The following DLGAP2 variants were observed in gnomAD, a reference collection of about 807,000 sequenced individuals.
DLGAP2 encodes DLG associated protein 2, also known as disks large-associated protein 2.
Under a neutral mutation model 100.3 loss-of-function variants are expected in DLGAP2, and 26 were observed. That is an observed-to-expected ratio of 0.26 (90% CI 0.19 to 0.36). The LOEUF is 0.36. DLGAP2 is among the 10% of genes least tolerant of loss of function. DLGAP2 has a pLI of 1.00. For synonymous variants in DLGAP2, 886 were observed against 630.1 expected (o/e 1.41, Z -6.08); for missense variants, 1,858 against 1,453.2 (o/e 1.28, Z -4.53).
At chr8:1,443,567 A>T (rs1797898818) in intron 3 of DLGAP2, among the ~76,000 whole-genome samples, 1 of 152,190 alleles carries the variant, frequency 6.6e-6, no homozygotes. Context: ...TTTATAGAGG[A>T]AAGAGGTTTA....
chr8:1,093,822 C>T (rs1563187848), intron 2 of DLGAP2, among the ~76,000 whole-genome samples: 1 of 152,272 alleles, frequency 6.6e-6, no homozygotes, highest in Non-Finnish European at 1.5e-5. Context: ...CCTGCTGCTT[C>T]TGGCTCTAGG....
intron 3 of DLGAP2, among the ~76,000 whole-genome samples, chr8:1,356,669 A>G (rs1801859877): frequency 6.6e-6 from 1 of 152,222 alleles, no homozygotes; most frequent in South Asian, 2.1e-4. Context: ...CGGTTGGTGA[A>G]TGAGGTGAGT....
chr8:1,076,432 A>T (rs1181594927), intron 2 of DLGAP2, among the ~76,000 whole-genome samples: 1 of 152,136 alleles, frequency 6.6e-6, no homozygotes, highest in African/African-American at 2.4e-5. Context: ...GGAAAGTCGG[A>T]TGGGTTAGAG....
intron 6 of DLGAP2, among the ~76,000 whole-genome samples, chr8:1,591,347 G>C (rs1163716659): frequency 6.6e-6 from 1 of 152,312 alleles, no homozygotes; most frequent in Non-Finnish European, 1.5e-5. Context: ...AAGGAGGATG[G>C]AGGAGAAAGA....
chr8:766,972 C>T (rs773217537), intron 1 of DLGAP2, among the ~76,000 whole-genome samples: 8 of 152,184 alleles, frequency 5.3e-5, no homozygotes, highest in Non-Finnish European at 1.0e-4. Flanking sequence ...ACAGCTTCCT[C>T]CTCCTGCGGT....
intron 3 of DLGAP2, chr8:1,262,349 G>C (rs190560109): frequency 6.6e-5 from 10 of 152,300 alleles, no homozygotes; most frequent in African/African-American, 1.7e-4. Context: ...GTGAGACTAT[G>C]TTTTCATGAG....
At chr8:1,202,215 T>C (rs1355582335) in intron 2 of DLGAP2, among the ~76,000 whole-genome samples, 2 of 151,920 alleles carry the variant, frequency 1.3e-5, no homozygotes, top group Admixed American at 1.3e-4. Context: ...TGTATGTGTA[T>C]GCATGTATTC....
At chr8:1,148,568 A>AT (rs35000915) in intron 2 of DLGAP2, among the ~76,000 whole-genome samples, 132,870 of 151,976 alleles carry the variant, frequency 0.87, 58,191 homozygotes, top group Non-Finnish European at 0.89. Flanking sequence ...TAATACTTCA[A>AT]TTTTTTATGT....
intron 6 of DLGAP2, among the ~76,000 whole-genome samples, chr8:1,597,441 C>G (rs924712739): frequency 3.3e-5 from 5 of 151,444 alleles, no homozygotes; most frequent in East Asian, 3.9e-4. Context: ...AGCATGGAAT[C>G]TGTAAATTAC....
In DLGAP2 at chr8:1,697,229, G is replaced by A. The variant is rs1334659163; in HGVS notation, c.2879G>A (p.Ser960Asn). The part of the protein sequence containing the change: ...DMLQLSIEDV[S>N]MKFDELQRLR... The stretch of plus-strand genomic sequence containing the variant: ...CTGCAGCTCTCCATTGAGGACGTCA[G>A]CATGAAGTTCGACGAGCTGCAGCGG... The change falls in exon 14 of 15, where the codon AGC (serine) becomes AAC (asparagine). Residue 960 changes from serine to asparagine, a missense_variant. Physicochemically the swap from Ser to Asn is conservative, Grantham distance 46. Coordinates refer to ENST00000637795, the MANE Select transcript of DLGAP2 (RefSeq NM_001346810.2). The A allele has an allele frequency of 5.0e-6, 8 of 1,611,842 alleles. No individual in the cohort carries two copies. Among genetic ancestry groups the A allele is most frequent in the Non-Finnish European group, 6.8e-6 (8 of 1,178,860 alleles).
chr8:1,335,584 C>T (rs1317862077), intron 3 of DLGAP2, among the ~76,000 whole-genome samples: 3 of 152,014 alleles, frequency 2.0e-5, no homozygotes, highest in African/African-American at 4.8e-5. Context: ...GGGCAGGGTG[C>T]GGTGCTGGGT....
chr8:1,105,250 T>C (rs112448177), intron 2 of DLGAP2, among the ~76,000 whole-genome samples: 8 of 152,332 alleles, frequency 5.3e-5, no homozygotes, highest in African/African-American at 1.9e-4. Flanking sequence ...ATTACAACCG[T>C]GGTGCCTGAA....
At chr8:1,390,228 A>G (rs2129807234) in intron 3 of DLGAP2, among the ~76,000 whole-genome samples, 1 of 152,336 alleles carries the variant, frequency 6.6e-6, no homozygotes, top group African/African-American at 2.4e-5. Context: ...CATGTTGGTG[A>G]AAACCAGATG....
chr8:1,470,773 C>T (rs1284390502), intron 3 of DLGAP2, among the ~76,000 whole-genome samples: 3 of 91,190 alleles, frequency 3.3e-5, no homozygotes, highest in South Asian at 3.6e-4. Flanking sequence ...CAGCCTTTCC[C>T]GACTCCCCCA....
At chr8:1,211,312 C>G (rs1477682275) in intron 2 of DLGAP2, among the ~76,000 whole-genome samples, 2 of 152,186 alleles carry the variant, frequency 1.3e-5, no homozygotes, top group Non-Finnish European at 2.9e-5. Flanking sequence ...ATCAGTGGAG[C>G]CTGTGAGGGC....
At chr8:1,626,960 A>C in intron 7 of DLGAP2, 73 bp downstream of exon 7, 2 of 1,508,268 alleles carry the variant, frequency 1.3e-6, no homozygotes, top group Admixed American at 4.0e-5. Flanking sequence ...CCCCGGCCGC[A>C]TAGGTGGCGA....
chr8:1,046,416 C>T (rs1036184288), intron 2 of DLGAP2, among the ~76,000 whole-genome samples: 4 of 152,106 alleles, frequency 2.6e-5, no homozygotes, highest in Admixed American at 6.6e-5. Context: ...CCCCGGCTGC[C>T]GTGCATATAT....
chr8:1,365,074 C>T (rs555987917), intron 3 of DLGAP2, among the ~76,000 whole-genome samples: 73 of 152,268 alleles, frequency 4.8e-4, no homozygotes, highest in African/African-American at 1.6e-3. Context: ...ATAGAGAAAC[C>T]CCGCAAGGAC....
At chr8:1,512,471 G>A (rs949330082) in intron 4 of DLGAP2, among the ~76,000 whole-genome samples, 1 of 152,112 alleles carries the variant, frequency 6.6e-6, no homozygotes, top group Non-Finnish European at 1.5e-5. Flanking sequence ...TGACCTCGGT[G>A]CATTCCTGCT....
Sources: allele counts gnomAD v4.1 joint callset (sites outside exome capture counted in the v4.1 genomes callset), GRCh38; gene constraint gnomAD v4.1.1; transcripts MANE v1.5; gene names NCBI Gene and HGNC (gene_info 2026-07-23, HGNC 2026-07-21).